The following SYNPO2 variants were observed in gnomAD, a reference collection of about 807,000 sequenced individuals.
SYNPO2 encodes the protein synaptopodin 2, also known as synaptopodin-2.
SYNPO2 carries 56 observed loss-of-function variants against 85.0 expected under a neutral mutation model. The ratio of observed to expected loss-of-function variants is 0.66; its 90% CI spans 0.53 to 0.82. The LOEUF is 0.82. SYNPO2 is among the 40% of genes least tolerant of loss of function. The probability of loss-of-function intolerance (pLI) is 0.00; values close to 1 mark genes in which losing one functional copy is unlikely to be tolerated. For synonymous variants in SYNPO2, 602 were observed against 591.1 expected (o/e 1.02, Z -0.27); for missense variants, 1,575 against 1,534.2 (o/e 1.03, Z -0.44).
At chr4:118,852,682 A>C (rs1435408660) in intron 1 of SYNPO2, among the ~76,000 whole-genome samples, 1 of 152,174 alleles carries the variant, frequency 6.6e-6, no homozygotes, top group Admixed American at 6.5e-5. Context: ...ACACATGGAC[A>C]CATAGAGGGG....
At chr4:118,986,248 T>C (rs1037086353) in intron 1 of SYNPO2, among the ~76,000 whole-genome samples, 3 of 152,188 alleles carry the variant, frequency 2.0e-5, no homozygotes, top group African/African-American at 7.2e-5. Flanking sequence ...AAGGCTACAT[T>C]TTCTATACTT....
chr4:118,853,931 A>G (rs955002207), intron 1 of SYNPO2, among the ~76,000 whole-genome samples: 7 of 152,196 alleles, frequency 4.6e-5, no homozygotes, highest in African/African-American at 1.4e-4. Flanking sequence ...CGCTATTGCA[A>G]TAGCCATTTT....
At chr4:119,021,098 T>C (rs1437368904) in intron 1 of SYNPO2, among the ~76,000 whole-genome samples, 1 of 152,180 alleles carries the variant, frequency 6.6e-6, no homozygotes, top group African/African-American at 2.4e-5. Context: ...GATATTGATG[T>C]GTCAGCAGTG....
intron 1 of SYNPO2, among the ~76,000 whole-genome samples, chr4:119,011,293 C>A (rs372767992): frequency 1.3e-5 from 2 of 152,164 alleles, no homozygotes; most frequent in Non-Finnish European, 2.9e-5. Flanking sequence ...CACTCTACTT[C>A]GATGCATATG....
At chr4:118,895,773 A>G (rs1248204992) in intron 1 of SYNPO2, among the ~76,000 whole-genome samples, 1 of 152,210 alleles carries the variant, frequency 6.6e-6, no homozygotes, top group Non-Finnish European at 1.5e-5. Context: ...TGTGACATAC[A>G]CATTATACCT....
intron 1 of SYNPO2, among the ~76,000 whole-genome samples, chr4:118,974,292 G>A (rs1448536116): frequency 6.6e-6 from 1 of 152,230 alleles, no homozygotes; most frequent in Non-Finnish European, 1.5e-5. Flanking sequence ...ATACCTAGTT[G>A]TAGTGGTGGC....
chr4:119,047,719 C>T (rs768071742), intron 4 of SYNPO2, among the ~76,000 whole-genome samples: 2 of 152,162 alleles, frequency 1.3e-5, no homozygotes, highest in Admixed American at 1.3e-4. Context: ...TATTTAAAGA[C>T]CTTTAGGTAA....
intron 4 of SYNPO2, among the ~76,000 whole-genome samples, chr4:119,047,475 C>T (rs1248599871): frequency 5.3e-5 from 8 of 152,166 alleles, no homozygotes; most frequent in Admixed American, 5.2e-4. Context: ...TGTACTTCTG[C>T]TGAAAGAAAT....
chr4:119,023,635 T>C, intron 2 of SYNPO2, 54 bp downstream of exon 2: 1 of 1,567,174 alleles, frequency 6.4e-7, no homozygotes, highest in Non-Finnish European at 8.7e-7. Flanking sequence ...ATGGGAATGA[T>C]TATAGCTTTT....
chr4:118,990,372 T>C (rs572130494), intron 1 of SYNPO2, among the ~76,000 whole-genome samples: 31 of 152,274 alleles, frequency 2.0e-4, no homozygotes, highest in Admixed American at 1.4e-3. Flanking sequence ...AGGAAATACA[T>C]CTTTGCTTGA....
At chr4:119,052,887 T>G (rs1739096776) in intron 4 of SYNPO2, among the ~76,000 whole-genome samples, 1 of 152,162 alleles carries the variant, frequency 6.6e-6, no homozygotes, top group Admixed American at 6.5e-5. Flanking sequence ...TAAATAAAGT[T>G]TAAAAGGTAG....
intron 4 of SYNPO2, among the ~76,000 whole-genome samples, chr4:119,056,781 T>C (rs1739219693): frequency 6.6e-6 from 1 of 152,128 alleles, no homozygotes; most frequent in African/African-American, 2.4e-5. Flanking sequence ...ACCATATAAA[T>C]AGATTTTGAG....
At chr4:119,051,174 C>A (rs1049747116) in intron 4 of SYNPO2, among the ~76,000 whole-genome samples, 15 of 131,992 alleles carry the variant, frequency 1.1e-4, no homozygotes, top group African/African-American at 3.9e-4. Flanking sequence ...TGGGGTAAAG[C>A]CATGGGAAGC....
intron 1 of SYNPO2, among the ~76,000 whole-genome samples, chr4:118,971,394 G>C (rs1480889724): frequency 1.3e-5 from 2 of 152,224 alleles, no homozygotes; most frequent in Non-Finnish European, 2.9e-5. Flanking sequence ...TGAAGGCTTA[G>C]AGTAGCTCTC....
chr4:119,028,200 T>C (rs1738055144), intron 3 of SYNPO2, among the ~76,000 whole-genome samples: 1 of 151,048 alleles, frequency 6.6e-6, no homozygotes. Context: ...TCTATTGTTT[T>C]ATTTCACGTT....
chr4:118,942,979 C>T lies in SYNPO2; in HGVS notation c.105+53838C>T, dbSNP rs570720368. 9.9e-5 allele frequency among the ~76,000 whole-genome samples: 15 copies of T among 152,064 alleles called. No homozygotes were observed. The East Asian group carries it at 1.5e-3, about 16-fold the overall frequency. On this transcript the variant is annotated intron_variant, in intron 1 of 4. Transcript: ENST00000307142. The stretch of plus-strand genomic sequence containing the variant: ...AAAATTAGCTGGGCATGGGGGCATG[C>T]GCCTGTAATCCCAGCTACTTGGGAG...
rs1193092318 is a variant in SYNPO2 at position 118,915,016 on chromosome 4, A to T, written c.105+25875A>T. Among the ~76,000 whole-genome samples the T allele has an allele frequency of 8.6e-5, 13 of 151,670 alleles. No homozygotes were observed. The Admixed American group carries it at 8.6e-4, about 10-fold the overall frequency. On this transcript the variant is annotated intron_variant, in intron 1 of 4. Coordinates refer to ENST00000307142, the MANE Select transcript of SYNPO2 (RefSeq NM_133477.3). The stretch of plus-strand genomic sequence containing the variant: ...CTAGATGCAAAAAAGTTCTACAAAA[A>T]AAAAAACAGAAAAATCAATGAATAA...
intron 1 of SYNPO2, among the ~76,000 whole-genome samples, chr4:118,900,703 C>CTATATA (rs373144800): frequency 0.018 from 771 of 43,674 alleles, 29 homozygotes; most frequent in Admixed American, 0.025. Flanking sequence ...CTCTCTCTCT[C>CTATATA]TATATATATA....
At chr4:118,867,573 T>C (rs1392229175) in intron 1 of SYNPO2, among the ~76,000 whole-genome samples, 1 of 152,116 alleles carries the variant, frequency 6.6e-6, no homozygotes, top group Non-Finnish European at 1.5e-5. Flanking sequence ...AATGAATGCT[T>C]CGGTACAAAT....
Sources: allele counts gnomAD v4.1 joint callset (sites outside exome capture counted in the v4.1 genomes callset), GRCh38; gene constraint gnomAD v4.1.1; transcripts MANE v1.5; gene names NCBI Gene and HGNC (gene_info 2026-07-23, HGNC 2026-07-21).